The following TRAPPC9 variants were observed in gnomAD, a reference collection of about 807,000 sequenced individuals.
TRAPPC9 encodes trafficking protein particle complex subunit 9, also known as IKK2 binding protein.
In TRAPPC9, 83 loss-of-function variants were observed where a neutral mutation model predicts 124.0. That is an observed-to-expected ratio of 0.67 (90% CI 0.56 to 0.80). TRAPPC9 has a LOEUF of 0.80. TRAPPC9 is among the 30% of genes least tolerant of loss of function. TRAPPC9 has a pLI of 0.00. For missense variants in TRAPPC9, 1,302 were observed against 1,508.3 expected, an observed-to-expected ratio of 0.86 and a Z score of 2.27; for synonymous variants, 638 against 617.5, an observed-to-expected ratio of 1.03 and a Z score of -0.49.
intron 21 of TRAPPC9, among the ~76,000 whole-genome samples, chr8:139,760,520 C>T (rs1026425246): frequency 4.6e-5 from 7 of 152,252 alleles, no homozygotes; most frequent in Admixed American, 1.3e-4. Flanking sequence ...AGCTCTTTCT[C>T]AATGAGGCCT....
chr8:139,998,857 G>A (rs893716815), intron 18 of TRAPPC9, among the ~76,000 whole-genome samples: 1 of 152,020 alleles, frequency 6.6e-6, no homozygotes, highest in East Asian at 1.9e-4. Context: ...CATGAGGAGG[G>A]GAAAGATAAA....
intron 17 of TRAPPC9, among the ~76,000 whole-genome samples, chr8:140,219,404 G>C (rs373516780): frequency 5.7e-4 from 87 of 152,216 alleles, no homozygotes; most frequent in Admixed American, 2.0e-3. Context: ...TAGTCCTTCC[G>C]GTCCCGCATA....
At chr8:139,908,174 C>G (rs1021716798) in intron 20 of TRAPPC9, among the ~76,000 whole-genome samples, 2 of 151,812 alleles carry the variant, frequency 1.3e-5, no homozygotes, top group Admixed American at 1.3e-4. Context: ...TCCCAACCAT[C>G]CTAGGGCTCT....
intron 19 of TRAPPC9, among the ~76,000 whole-genome samples, chr8:139,987,455 G>A (rs1028479243): frequency 2.0e-5 from 3 of 151,998 alleles, no homozygotes; most frequent in South Asian, 2.1e-4. Flanking sequence ...CTGTCTCATC[G>A]CGGTTTGGAC....
At chr8:140,284,821 C>A (rs2065439072) in intron 13 of TRAPPC9, among the ~76,000 whole-genome samples, 1 of 152,194 alleles carries the variant, frequency 6.6e-6, no homozygotes. Context: ...TCACCTCCTG[C>A]CAGCTTAAAG....
At chr8:140,022,320 T>C (rs1223795334) in intron 18 of TRAPPC9, among the ~76,000 whole-genome samples, 1 of 151,688 alleles carries the variant, frequency 6.6e-6, no homozygotes, top group African/African-American at 2.4e-5. Flanking sequence ...TTAGAAGACA[T>C]CAAATCTCAA....
chr8:140,071,695 G>T (rs1015070815), intron 17 of TRAPPC9, among the ~76,000 whole-genome samples: 1 of 152,142 alleles, frequency 6.6e-6, no homozygotes, highest in African/African-American at 2.4e-5. Context: ...ATGCAATAAT[G>T]CAGGGGTTCT....
intron 9 of TRAPPC9, among the ~76,000 whole-genome samples, chr8:140,316,629 G>A (rs1195382147): frequency 6.6e-6 from 1 of 152,180 alleles, no homozygotes; most frequent in African/African-American, 2.4e-5. Context: ...CAAATGTGCT[G>A]TTGAATTTTG....
At chr8:139,738,242 C>T (rs1475221942) in intron 21 of TRAPPC9, among the ~76,000 whole-genome samples, 1 of 152,204 alleles carries the variant, frequency 6.6e-6, no homozygotes, top group African/African-American at 2.4e-5. Flanking sequence ...AGCTGAGAGA[C>T]AGAATGACTA....
At chr8:139,930,860 G>A (rs1055485037) in intron 19 of TRAPPC9, among the ~76,000 whole-genome samples, 15 of 152,142 alleles carry the variant, frequency 9.9e-5, no homozygotes, top group African/African-American at 3.6e-4. Context: ...AAATCACGAC[G>A]ACAGCAACAC....
intron 9 of TRAPPC9, among the ~76,000 whole-genome samples, chr8:140,347,708 C>T (rs2067392760): frequency 6.6e-6 from 1 of 152,178 alleles, no homozygotes; most frequent in Non-Finnish European, 1.5e-5. Flanking sequence ...TCCTCTGTTG[C>T]AATAGAGTTG....
intron 21 of TRAPPC9, among the ~76,000 whole-genome samples, chr8:139,809,927 G>C (rs1282753803): frequency 1.3e-5 from 2 of 152,122 alleles, no homozygotes; most frequent in African/African-American, 4.8e-5. Flanking sequence ...CCTCTTCCCT[G>C]ACTCCTGTGT....
At chr8:139,896,319 C>G (rs548945087) in intron 20 of TRAPPC9, among the ~76,000 whole-genome samples, 1 of 152,264 alleles carries the variant, frequency 6.6e-6, no homozygotes, top group South Asian at 2.1e-4. Context: ...AGAGGTCAAT[C>G]CATAATGATG....
chr8:139,831,862 C>G (rs73364151), intron 21 of TRAPPC9, among the ~76,000 whole-genome samples: 1,606 of 152,356 alleles, frequency 0.011, 21 homozygotes, highest in African/African-American at 0.036. Flanking sequence ...GCTGCCCAGG[C>G]CTCTGCCTCC....
intron 3 of TRAPPC9, among the ~76,000 whole-genome samples, chr8:140,437,474 T>G (rs986762026): frequency 2.0e-5 from 3 of 152,022 alleles, no homozygotes; most frequent in African/African-American, 7.2e-5. Context: ...AATAGAAAAT[T>G]TAGCCGGGTG....
At chr8:139,734,229 C>T (rs1304613765) in intron 21 of TRAPPC9, among the ~76,000 whole-genome samples, 2 of 152,246 alleles carry the variant, frequency 1.3e-5, no homozygotes, top group Non-Finnish European at 2.9e-5. Flanking sequence ...ACTCCTGGGA[C>T]ATCAGTGCTC....
intron 21 of TRAPPC9, among the ~76,000 whole-genome samples, chr8:139,866,350 G>A (rs990843583): frequency 6.6e-6 from 1 of 152,262 alleles, no homozygotes; most frequent in South Asian, 2.1e-4. Flanking sequence ...GATGGTCAGG[G>A]GGCCTTAGAA....
chr8:140,281,881 C>T (rs569994016), intron 14 of TRAPPC9, among the ~76,000 whole-genome samples: 3 of 152,314 alleles, frequency 2.0e-5, no homozygotes, highest in South Asian at 4.1e-4. Context: ...TCCCTCCCAT[C>T]GAGCCTGTTG....
At chr8:140,229,635 C>G (rs1018591870) in intron 16 of TRAPPC9, among the ~76,000 whole-genome samples, 2 of 151,824 alleles carry the variant, frequency 1.3e-5, no homozygotes, top group African/African-American at 4.8e-5. Flanking sequence ...GCGGCGCGAT[C>G]TCGGCTCACT....
Sources: gnomAD v4.1 joint callset for allele counts (sites outside exome capture counted in the v4.1 genomes callset) on GRCh38, gnomAD v4.1.1 for gene constraint, MANE v1.5 for transcripts, NCBI Gene and HGNC (gene_info 2026-07-23, HGNC 2026-07-21) for gene names.